The following APPBP2 variants were observed in gnomAD, a reference collection of about 807,000 sequenced individuals.
APPBP2 encodes amyloid beta precursor protein binding protein 2.
A neutral mutation model predicts 76.0 loss-of-function variants in APPBP2; 15 were observed. The ratio of observed to expected loss-of-function variants is 0.20; its 90% CI spans 0.13 to 0.30. APPBP2 has a LOEUF of 0.30. APPBP2 is among the 10% of genes least tolerant of loss of function. The probability of loss-of-function intolerance (pLI) is 1.00; values close to 1 mark genes in which losing one functional copy is unlikely to be tolerated. For missense variants in APPBP2, 401 were observed against 687.2 expected (o/e 0.58, Z 4.66); for synonymous variants, 222 against 242.2 (o/e 0.92, Z 0.77).
chr17:60,459,942 A>C (rs2090464850), intron 9 of APPBP2: 1 of 152,206 alleles, frequency 6.6e-6, no homozygotes, highest in African/African-American at 2.4e-5. Context: ...AATCCTTTAA[A>C]TTTTAGTGTC....
At position 60,446,174 on chromosome 17, in the gene APPBP2, A is replaced by T. The variant is rs1396525033; in HGVS notation, c.*1407T>A. On this transcript the variant is annotated 3_prime_UTR_variant, in exon 13 of 13. Transcript: ENST00000083182. ...CATGAACCCCTGAAAATAGGGGGGG[A>T]ACCCAGATTCTTAACTATAGAAGCA... 1.3e-5 allele frequency: 2 copies of T among 152,506 alleles called. No individual in the cohort carries two copies. Among genetic ancestry groups the T allele is most frequent in the Non-Finnish European group, 2.9e-5 (2 of 68,006 alleles). 9.4% of individuals were successfully genotyped at this position (152,506 alleles called of 1,614,324 possible). A position where few individuals can be genotyped will look rare whatever the true frequency, so the allele number is the denominator to read the frequency against.
chr17:60,475,850 C>T (rs996830349), intron 4 of APPBP2, among the ~76,000 whole-genome samples: 20 of 152,194 alleles, frequency 1.3e-4, no homozygotes, highest in African/African-American at 4.8e-4. Flanking sequence ...CTCTCACAAG[C>T]CCAAAAGCAA....
chr17:60,495,443 TTTA>T (rs2042314604), intron 2 of APPBP2, among the ~76,000 whole-genome samples: 1 of 12,340 alleles, frequency 8.1e-5, no homozygotes, highest in Admixed American at 7.2e-4. Flanking sequence ...TTATTTATTA[TTTA>T]TTTATTTATT....
intron 2 of APPBP2, among the ~76,000 whole-genome samples, chr17:60,495,483 T>C (rs1026807133): frequency 1.4e-5 from 2 of 143,746 alleles, no homozygotes; most frequent in African/African-American, 5.2e-5. Flanking sequence ...TATTTATTTA[T>C]GTTTTAGAGA....
At chr17:60,486,341 T>TGTAG (rs2090677536) in intron 3 of APPBP2, among the ~76,000 whole-genome samples, 1 of 152,212 alleles carries the variant, frequency 6.6e-6, no homozygotes, top group African/African-American at 2.4e-5. Flanking sequence ...TAAGTCTCTT[T>TGTAG]GTAGGTCTCT....
intron 3 of APPBP2, among the ~76,000 whole-genome samples, chr17:60,489,435 A>C (rs1306765821): frequency 2.6e-5 from 4 of 151,404 alleles, no homozygotes; most frequent in African/African-American, 4.9e-5. Flanking sequence ...ACATGATAAA[A>C]CACCATCTCT....
At chr17:60,520,402 A>G (rs2090999377) in intron 1 of APPBP2, among the ~76,000 whole-genome samples, 1 of 151,946 alleles carries the variant, frequency 6.6e-6, no homozygotes, top group Non-Finnish European at 1.5e-5. Flanking sequence ...GTAAAACCCC[A>G]TCTCTACTAA....
intron 9 of APPBP2, among the ~76,000 whole-genome samples, chr17:60,458,203 G>A (rs984006438): frequency 1.3e-5 from 2 of 152,138 alleles, no homozygotes; most frequent in African/African-American, 4.8e-5. Context: ...GGAGGCCAAG[G>A]GGGGCAGATC....
chr17:60,444,447 G>A lies in APPBP2; in HGVS notation c.*3134C>T, dbSNP rs2090329149. ...CTGCACTATTAAGGAGCAGCCAAAT[G>A]GCACCTTCATTATTTCTAAGATCGC... is the stretch of plus-strand genomic sequence containing the variant. On this transcript the variant is annotated 3_prime_UTR_variant, in exon 13 of 13. Coordinates refer to ENST00000083182, the MANE Select transcript of APPBP2 (RefSeq NM_006380.5). 1 of 152,018 alleles carries A rather than the reference G, an allele frequency of 6.6e-6. No homozygotes were observed. Among genetic ancestry groups the A allele is most frequent in the Non-Finnish European group, 1.5e-5 (1 of 68,016 alleles). The allele number at this position is 152,018 out of a possible 1,614,324, so 9.4% of individuals were successfully genotyped here. A position where few individuals can be genotyped will look rare whatever the true frequency, so the allele number is the denominator to read the frequency against.
At chr17:60,477,800 CAA>C (rs1177773203) in intron 4 of APPBP2, among the ~76,000 whole-genome samples, 6 of 66,818 alleles carry the variant, frequency 9.0e-5, no homozygotes, top group Admixed American at 1.7e-4. Flanking sequence ...TCCAACTGGC[CAA>C]AAAAAAAAAA....
chr17:60,456,730 C>A (rs2090434141), intron 9 of APPBP2, among the ~76,000 whole-genome samples: 1 of 152,154 alleles, frequency 6.6e-6, no homozygotes, highest in Non-Finnish European at 1.5e-5. Context: ...CCTGAACATG[C>A]AGAGCATGTT....
intron 2 of APPBP2, among the ~76,000 whole-genome samples, chr17:60,497,366 G>T (rs1042256206): frequency 6.6e-6 from 1 of 152,062 alleles, no homozygotes; most frequent in Non-Finnish European, 1.5e-5. Flanking sequence ...AACTGGGAGA[G>T]GGGGGCAAAT....
chr17:60,508,957 T>C (rs1057280966), intron 1 of APPBP2, among the ~76,000 whole-genome samples: 1 of 152,004 alleles, frequency 6.6e-6, no homozygotes, highest in African/African-American at 2.4e-5. Context: ...TCTTAACAAG[T>C]AAATTGCAAA....
intron 3 of APPBP2, among the ~76,000 whole-genome samples, chr17:60,484,666 G>T (rs952543212): frequency 6.6e-6 from 1 of 152,234 alleles, no homozygotes; most frequent in East Asian, 1.9e-4. Context: ...CATGTCATCT[G>T]CAAACAGGGA....
intron 1 of APPBP2, among the ~76,000 whole-genome samples, chr17:60,507,949 A>G (rs1325186549): frequency 6.7e-6 from 1 of 149,918 alleles, no homozygotes; most frequent in African/African-American, 2.5e-5. Context: ...TGCTACACCC[A>G]GCCAAGTTGT....
In APPBP2 at chr17:60,447,694, G is replaced by A. The variant is rs2090360492; in HGVS notation, c.1645C>T (p.Arg549Trp). The A allele has an allele frequency of 3.1e-6, 5 of 1,614,128 alleles. No homozygotes were observed. Among genetic ancestry groups the A allele is most frequent in the Non-Finnish European group, 3.4e-6 (4 of 1,180,030 alleles). The change falls in exon 13 of 13, where the codon CGG becomes TGG. Residue 549 changes from arginine (R) to tryptophan (W), a missense_variant. Physicochemically the swap from Arg to Trp is moderately radical, Grantham distance 101 (BLOSUM62 -3). This residue lies in a region of APPBP2 where 56 missense variants were observed against 76.5 expected (regional missense o/e 0.73). Transcript: ENST00000083182. ...AGAGCATCTGTCACTGAATATTGCC[G>A]ATCTCGCAACCGGTTCCAGTTAGAC... is the stretch of plus-strand genomic sequence containing the variant. ...VLSNWNRLRD[R>W]QYSVTDALED...
At position 60,509,620 on chromosome 17, in the gene APPBP2, T is replaced by C. The variant is rs183635669; in HGVS notation, c.139-9133A>G. Among the ~76,000 whole-genome samples the C allele has an allele frequency of 1.9e-4, 29 of 152,074 alleles. No individual in the cohort carries two copies. In the East Asian group the frequency reaches 4.7e-3, roughly 24 times the overall value. ...GAGTTTGAGACCAGCCTGACTAACA[T>C]AGAAAAACCCCATCTCTACTAAAAA... On this transcript the variant is annotated intron_variant, in intron 1 of 12. Coordinates refer to ENST00000083182, the MANE Select transcript of APPBP2 (RefSeq NM_006380.5).
chr17:60,460,766 A>C lies in APPBP2; in HGVS notation c.958T>G (p.Ser320Ala), dbSNP rs1175248433. The C allele has an allele frequency of 6.2e-7, 1 of 1,613,690 alleles. No homozygotes were observed. The highest frequency in any genetic ancestry group is 8.5e-7 in the Non-Finnish European group (1 of 1,179,750). ...TGGATATTTTTGCCACCAAACACTG[A>C]CTGTCTAATGTCAAGGGCTGCCTGA... is the stretch of plus-strand genomic sequence containing the variant. ...IYQAALDIRQSVFGGKNIHVA... is the reference protein window; with the variant it reads ...IYQAALDIRQAVFGGKNIHVA... The change falls in exon 9 of 13, where the codon TCA (serine) becomes GCA (alanine). Residue 320 changes from serine (S) to alanine (A), a missense_variant. Physicochemically the swap from Ser to Ala is moderately conservative, Grantham distance 99 (BLOSUM62 1). Coordinates refer to ENST00000083182, the MANE Select transcript of APPBP2 (RefSeq NM_006380.5).
At position 60,511,543 on chromosome 17, in the gene APPBP2, T is replaced by C. The variant is rs2090913196; in HGVS notation, c.139-11056A>G. Among the ~76,000 whole-genome samples, 8 of 147,822 alleles carry C rather than the reference T, an allele frequency of 5.4e-5. No homozygotes were observed. The South Asian group carries it at 1.7e-3, about 31-fold the overall frequency. On this transcript the variant is annotated intron_variant, in intron 1 of 12. Transcript: ENST00000083182. ...GAGGTTGCGGTGAGCCGAGATCGCA[T>C]CACTGTATTCCAGCCTGGCGACAGA...
Sources: gnomAD v4.1 joint callset for allele counts (sites outside exome capture counted in the v4.1 genomes callset) on GRCh38, gnomAD v4.1.1 for gene constraint, gnomAD v4.1.1 regional missense constraint, MANE v1.5 for transcripts, NCBI Gene and HGNC (gene_info 2026-07-23, HGNC 2026-07-21) for gene names.